MAGEC2: variants seen among roughly 807,000 people sequenced by gnomAD.
MAGEC2 encodes the protein melanoma-associated antigen C2.
For missense variants in MAGEC2, 332 were observed against 282.3 expected, an observed-to-expected ratio of 1.18 and a Z score of -1.26; for synonymous variants, 127 against 115.1, an observed-to-expected ratio of 1.10 and a Z score of -0.66.
chrX:142,203,185 C>T lies in MAGEC2; in HGVS notation c.803G>A (p.Gly268Glu), dbSNP rs374298517. The T allele has an allele frequency of 8.3e-7, 1 of 1,209,036 alleles. No homozygotes were observed. The highest frequency in any genetic ancestry group is 1.8e-5 in the African/African-American group (1 of 56,927). The stretch of plus-strand genomic sequence containing the variant: ...TTTAGTGAGGAGCTCCCTAGGCTCC[C>T]CATAGACGAAGTGCTCCCTCCCAGC... ...VYAGREHFVY[G>E]EPRELLTKVW... The change falls in exon 3 of 3, where the codon GGG becomes GAG. Residue 268 changes from glycine (G) to glutamate (E), a missense_variant. By Grantham distance (98) the Gly-to-Glu change is moderately conservative. Transcript: ENST00000247452.
chrX:142,204,017 G>GT lies in MAGEC2; in HGVS notation c.-31dup, dbSNP rs749697997. On this transcript the variant is annotated 5_prime_UTR_variant, in exon 3 of 3. Coordinates refer to ENST00000247452, the MANE Select transcript of MAGEC2 (RefSeq NM_016249.4). ...ACTTCTTCAGGAGCAGCAGGTAAACGTATCAACAGGGATATGGATGATGAG... is the reference window on the plus strand; with the variant it reads ...ACTTCTTCAGGAGCAGCAGGTAAACGTTATCAACAGGGATATGGATGATGAG... The GT allele has an allele frequency of 8.4e-6, 10 of 1,187,298 alleles. No individual in the cohort carries two copies. Among genetic ancestry groups the GT allele is most frequent in the South Asian group, 1.9e-5 (1 of 53,272 alleles).
chrX:142,202,695 T>C lies in MAGEC2; in HGVS notation c.*171A>G, dbSNP rs1406903548. ...TAACACTCTGAAGCTAACTACCTGCTATTCAAAGGAAAAGCATTTAGAAAA... is the reference window on the plus strand; with the variant it reads ...TAACACTCTGAAGCTAACTACCTGCCATTCAAAGGAAAAGCATTTAGAAAA... On this transcript the variant is annotated 3_prime_UTR_variant, in exon 3 of 3. Transcript: ENST00000247452. The C allele has an allele frequency of 4.7e-6, 2 of 424,149 alleles. No individual in the cohort carries two copies. The highest frequency in any genetic ancestry group is 4.9e-5 in the African/African-American group (2 of 40,637). The allele number at this position is 424,149 out of a possible 1,213,427, so 35.0% of individuals were successfully genotyped here.
Position 142,203,243 on chromosome X carries a change from T to C in MAGEC2, c.745A>G (p.Ile249Val). The C allele has an allele frequency of 8.3e-7, 1 of 1,211,498 alleles. No individual in the cohort carries two copies. Among genetic ancestry groups the C allele is most frequent in the Non-Finnish European group, 1.1e-6 (1 of 895,482 alleles). The change falls in exon 3 of 3, where the codon ATC (isoleucine) becomes GTC (valine). Residue 249 changes from isoleucine to valine, a missense_variant. Physicochemically the swap from Ile to Val is conservative, Grantham distance 29 (BLOSUM62 3). Coordinates refer to ENST00000247452, the MANE Select transcript of MAGEC2 (RefSeq NM_016249.4). Reference sequence around the variant, plus strand: ...CCTACTGCATTCAGCACTTCCCAGATGACCTCCTCAGAGGCACAGTTGCCC... The same window carrying C: ...CCTACTGCATTCAGCACTTCCCAGACGACCTCCTCAGAGGCACAGTTGCCC... ...IKGNCASEEV[I>V]WEVLNAVGVY...
rs756064342 is a variant in MAGEC2, at chrX:142,203,018, T to C, written c.970A>G (p.Thr324Ala). Residue 324 changes from threonine (T) to alanine (A), a missense_variant, in exon 3 of 3, where the codon ACT becomes GCT. Transcript: ENST00000247452. ...CAGGATGGAAAGGAACTAGGAACAG[T>C]GTTGTTCAGCTTGGCTAAAAACTCT... ...VLEFLAKLNN[T>A]VPSSFPSWYK... 5 of 1,211,892 alleles carry C rather than the reference T, an allele frequency of 4.1e-6. No homozygotes were observed. The highest frequency in any genetic ancestry group is 5.6e-6 in the Non-Finnish European group (5 of 895,563).
At chrX:142,204,101 C>T in intron 2 of MAGEC2, 48 bp from the exon 3 acceptor site, 1 of 1,188,923 alleles carries the variant, frequency 8.4e-7, no homozygotes. Context: ...AGAAACTCAC[C>T]CATGATGGCT....
chrX:142,204,310 C>T (rs991135314), intron 2 of MAGEC2, 52 bp downstream of exon 2: 11 of 414,536 alleles, frequency 2.7e-5, no homozygotes, highest in Non-Finnish European at 4.6e-5. Flanking sequence ...TGTGGGGTCT[C>T]CTCTGTTTCT....
At chrX:142,204,320 T>C in intron 2 of MAGEC2, 42 bp downstream of exon 2, 2 of 408,400 alleles carry the variant, frequency 4.9e-6, no homozygotes, top group Non-Finnish European at 8.5e-6. Context: ...CCTCTGTTTC[T>C]GGGGGTAGGG....
chrX:142,203,291 T>G lies in MAGEC2; in HGVS notation c.697A>C (p.Ile233Leu). 8.3e-7 allele frequency: 1 copy of G among 1,211,065 alleles called. No individual in the cohort carries two copies. Among genetic ancestry groups the G allele is most frequent in the Non-Finnish European group, 1.1e-6 (1 of 895,349 alleles). The change falls in exon 3 of 3, where the codon ATT (isoleucine) becomes CTT (leucine). Residue 233 changes from isoleucine (I) to leucine (L), a missense_variant. Coordinates refer to ENST00000247452, the MANE Select transcript of MAGEC2 (RefSeq NM_016249.4). ...CCCTTTATGAAGATCACACTCAGAA[T>G]AATAATCAGGAGGCTGTTCTCGGGC... The part of the protein sequence containing the change: ...GMPENSLLII[I>L]LSVIFIKGNC...
chrX:142,202,957 A>T lies in MAGEC2; in HGVS notation c.1031T>A (p.Val344Asp). 8.3e-7 allele frequency: 1 copy of T among 1,210,935 alleles called. No homozygotes were observed. The highest frequency in any genetic ancestry group is 1.1e-6 in the Non-Finnish European group (1 of 895,202). The change falls in exon 3 of 3, where the codon GTC (valine) becomes GAC (aspartate). Residue 344 changes from valine (V) to aspartate (D), a missense_variant. Physicochemically the swap from Val to Asp is radical, Grantham distance 152. Transcript: ENST00000247452. ...KDALKDVEER[V>D]QATIDTADDA... ...ATCTGCGGTATCAATTGTGGCCTGG[A>T]CTCTCTCTTCCACATCTTTCAAAGC...
At position 142,203,251 on chromosome X, in the gene MAGEC2, T is replaced by C; in HGVS notation, c.737A>G (p.Glu246Gly). 1 of 1,211,324 alleles carries C rather than the reference T, an allele frequency of 8.3e-7. No homozygotes were observed. Among genetic ancestry groups the C allele is most frequent in the Non-Finnish European group, 1.1e-6 (1 of 895,450 alleles). The part of the protein sequence containing the change: ...VIFIKGNCAS[E>G]EVIWEVLNAV... ...ATTCAGCACTTCCCAGATGACCTCCTCAGAGGCACAGTTGCCCTTTATGAA... is the reference window on the plus strand; with the variant it reads ...ATTCAGCACTTCCCAGATGACCTCCCCAGAGGCACAGTTGCCCTTTATGAA... The change falls in exon 3 of 3, where the codon GAG (glutamate) becomes GGG (glycine). Residue 246 changes from glutamate to glycine, a missense_variant. Transcript: ENST00000247452.
intron 2 of MAGEC2, 110 bp downstream of exon 2, chrX:142,204,252 C>A: frequency 1.9e-6 from 1 of 517,496 alleles, no homozygotes; most frequent in East Asian, 3.4e-5. Flanking sequence ...AGCTGGCAGG[C>A]AGAGCCTGAG....
At position 142,203,341 on chromosome X, in the gene MAGEC2, T is replaced by C; in HGVS notation, c.647A>G (p.Asp216Gly). 1 of 1,211,261 alleles carries C rather than the reference T, an allele frequency of 8.3e-7. No individual in the cohort carries two copies. Among genetic ancestry groups the C allele is most frequent in the Non-Finnish European group, 1.1e-6 (1 of 895,354 alleles). Residue 216 changes from aspartate to glycine, a missense_variant, in exon 3 of 3, where the codon GAT (aspartate) becomes GGT (glycine). Transcript: ENST00000247452. ...CATGCCCTCATCATCACTACCCTCA[T>C]CGGTGAGGCCTACTGTGTTTGCAAA... is the stretch of plus-strand genomic sequence containing the variant. The part of the protein sequence containing the change: ...CVFANTVGLT[D>G]EGSDDEGMPE...
Position 142,203,879 on chromosome X carries a change from C to T in MAGEC2, c.109G>A (p.Glu37Lys), listed in dbSNP as rs762366451. 4.0e-5 allele frequency: 48 copies of T among 1,194,747 alleles called. No homozygotes were observed. The highest frequency in any genetic ancestry group is 3.0e-5 in the East Asian group (1 of 33,563). The change falls in exon 3 of 3, where the codon GAG becomes AAG. Residue 37 changes from glutamate to lysine, a missense_variant. Glu to Lys is a moderately conservative substitution (Grantham distance 56). Coordinates refer to ENST00000247452, the MANE Select transcript of MAGEC2 (RefSeq NM_016249.4). ...DAQHPTDEEE[E>K]EASSASSTLY... ...GTGGAAGAGGCGGAGGAGGCTTCCT[C>T]CTCTTCCTCATCTGTGGGATGCTGT...
rs1365055419 is a variant in MAGEC2, at chrX:142,204,440, C to G, written c.-145G>C. The G allele has an allele frequency of 5.0e-6, 1 of 198,934 alleles. No individual in the cohort carries two copies. Among genetic ancestry groups the G allele is most frequent in the African/African-American group, 3.0e-5 (1 of 33,839 alleles). The allele number at this position is 198,934 out of a possible 1,213,427, so 16.4% of individuals were successfully genotyped here. ...TGCCTCACACCCAGTTCGTCACCAC[C>G]TGGTTCCTGGAGCACCTGCAAGAGG... On this transcript the variant is annotated 5_prime_UTR_variant, in exon 2 of 3. Coordinates refer to ENST00000247452, the MANE Select transcript of MAGEC2 (RefSeq NM_016249.4).
rs1247533597 is a variant in MAGEC2, at chrX:142,202,584, G to C, written c.*282C>G. The C allele has an allele frequency of 3.2e-5, 9 of 282,326 alleles. No homozygotes were observed. The highest frequency in any genetic ancestry group is 5.7e-5 in the Admixed American group (1 of 17,420). The allele number at this position is 282,326 out of a possible 1,213,427, so 23.3% of individuals were successfully genotyped here. A position where few individuals can be genotyped will look rare whatever the true frequency, so the allele number is the denominator to read the frequency against. On this transcript the variant is annotated 3_prime_UTR_variant, in exon 3 of 3. Transcript: ENST00000247452. ...TTACAGATCACAAAATAAGGGAGAA[G>C]GTATTTCCATTTTTTTAACAAAATA...
rs1256910607 is a variant in MAGEC2 at position 142,203,584 on chromosome X, G to A, written c.404C>T (p.Ser135Phe). ...TTCATCTAGTGTATATGTGAAAGAG[G>A]ACTCACTGTCTGGCAGGCCCTGACA... ...GTCQGLPDSE[S>F]SFTYTLDEKV... Residue 135 changes from serine to phenylalanine, a missense_variant, in exon 3 of 3, where the codon TCC becomes TTC. By Grantham distance (155) the Ser-to-Phe change is radical. Coordinates refer to ENST00000247452, the MANE Select transcript of MAGEC2 (RefSeq NM_016249.4). 1.7e-6 allele frequency: 2 copies of A among 1,210,956 alleles called. No homozygotes were observed. The highest frequency in any genetic ancestry group is 1.7e-5 in the African/African-American group (1 of 57,500).
rs1483809458 is a variant in MAGEC2, at chrX:142,203,954, C to A, written c.34G>T (p.Val12Phe). 4.2e-6 allele frequency: 5 copies of A among 1,177,940 alleles called. No homozygotes were observed. The highest frequency in any genetic ancestry group is 5.7e-6 in the Non-Finnish European group (5 of 879,523). Residue 12 changes from valine (V) to phenylalanine (F), a missense_variant, in exon 3 of 3, where the codon GTT becomes TTT. Physicochemically the swap from Val to Phe is conservative, Grantham distance 50. Transcript: ENST00000247452. ...ACTGAGGTCGGGGAGTCGTTGTCAA[C>A]GTTGCGGAATGGAACGCCTGGAACG... ...PPVPGVPFRN[V>F]DNDSPTSVEL...
In MAGEC2 at chrX:142,203,913, C is replaced by G; in HGVS notation, c.75G>C (p.Trp25Cys). The G allele has an allele frequency of 8.5e-7, 1 of 1,181,599 alleles. No homozygotes were observed. Among genetic ancestry groups the G allele is most frequent in the Non-Finnish European group, 1.1e-6 (1 of 881,627 alleles). ...DSPTSVELEDWVDAQHPTDEE... is the reference protein window; with the variant it reads ...DSPTSVELEDCVDAQHPTDEE... The stretch of plus-strand genomic sequence containing the variant: ...CATCTGTGGGATGCTGTGCATCTAC[C>G]CAGTCTTCTAACTCAACTGAGGTCG... Residue 25 changes from tryptophan to cysteine, a missense_variant, in exon 3 of 3, where the codon TGG becomes TGC. Coordinates refer to ENST00000247452, the MANE Select transcript of MAGEC2 (RefSeq NM_016249.4).
chrX:142,203,995 T>G lies in MAGEC2; in HGVS notation c.-8A>C. 8.4e-7 allele frequency: 1 copy of G among 1,184,797 alleles called. No homozygotes were observed. ...GCCTGGAACGGGAGGCATGACGACTTCTTCAGGAGCAGCAGGTAAACGTAT... is the reference window on the plus strand; with the variant it reads ...GCCTGGAACGGGAGGCATGACGACTGCTTCAGGAGCAGCAGGTAAACGTAT... On this transcript the variant is annotated 5_prime_UTR_variant, in exon 3 of 3. Coordinates refer to ENST00000247452, the MANE Select transcript of MAGEC2 (RefSeq NM_016249.4).
Sources: allele counts gnomAD v4.1 joint callset, GRCh38; gene constraint gnomAD v4.1.1; transcripts MANE v1.5; gene names NCBI Gene and HGNC (gene_info 2026-07-23, HGNC 2026-07-21).